Variants in CREB5 observed in about 807,000 individuals in gnomAD.
CREB5 encodes the protein cyclic AMP-responsive element-binding protein 5.
In CREB5, 19 loss-of-function variants were observed where a neutral mutation model predicts 57.1. The ratio of observed to expected loss-of-function variants is 0.33; its 90% confidence interval spans 0.23 to 0.49. The LOEUF (loss-of-function observed/expected upper bound fraction) is 0.49. Ranked by LOEUF, CREB5 falls within the 20% of genes least tolerant of loss-of-function variation. The pLI, the probability that CREB5 is intolerant of heterozygous loss-of-function variation, is 0.99. For synonymous variants in CREB5, 238 were observed against 238.3 expected (o/e 1.00, Z 0.01); for missense variants, 579 against 671.6 (o/e 0.86, Z 1.52).
intron 1 of CREB5, among the ~76,000 whole-genome samples, chr7:28,441,019 C>A (rs915902945): frequency 6.6e-6 from 1 of 152,216 alleles, no homozygotes. Flanking sequence ...AATTTTTAGA[C>A]CCTTGTGTAT....
intron 1 of CREB5, among the ~76,000 whole-genome samples, chr7:28,335,276 T>C (rs1401214426): frequency 6.6e-6 from 1 of 152,310 alleles, no homozygotes; most frequent in East Asian, 1.9e-4. Context: ...AATCTGTAAA[T>C]TGATTTTGTA....
chr7:28,681,157 A>G (rs1193724599), intron 5 of CREB5, among the ~76,000 whole-genome samples: 1 of 151,982 alleles, frequency 6.6e-6, no homozygotes, highest in African/African-American at 2.4e-5. Context: ...AGGGATGGAG[A>G]AGGCTGACTA....
chr7:28,410,869 A>C, upstream of CREB5: 1 of 281,538 alleles, frequency 3.6e-6, no homozygotes, highest in Non-Finnish European at 7.1e-6. Flanking sequence ...TCCCCACAAC[A>C]CACTCGTGCA....
chr7:28,537,696 G>T (rs757774055), intron 4 of CREB5, among the ~76,000 whole-genome samples: 3 of 152,176 alleles, frequency 2.0e-5, no homozygotes, highest in Non-Finnish European at 4.4e-5. Flanking sequence ...ATTCATAACC[G>T]ATTTGTTCAA....
chr7:28,485,054 G>A (rs1791496486), intron 1 of CREB5, among the ~76,000 whole-genome samples: 1 of 152,148 alleles, frequency 6.6e-6, no homozygotes, highest in African/African-American at 2.4e-5. Context: ...TAGCATTATG[G>A]GCCTGAATTT....
At chr7:28,780,000 C>T (rs1806878040) in intron 7 of CREB5, among the ~76,000 whole-genome samples, 1 of 152,194 alleles carries the variant, frequency 6.6e-6, no homozygotes. Context: ...AACTCCTGAG[C>T]TCAAGCGATC....
rs1372474796 is a variant in CREB5, at chr7:28,642,979, CACACACAT to C, written c.464+72450_464+72457del. 1.1e-3 allele frequency among the ~76,000 whole-genome samples: 107 copies of C among 101,260 alleles called. 1 individual carries two copies. Among genetic ancestry groups the C allele is most frequent in the Admixed American group, 1.7e-3 (16 of 9,426 alleles). The allele number at this position is 101,260 out of a possible 152,430, so 66.4% of individuals were successfully genotyped here. A position where few individuals can be genotyped will look rare whatever the true frequency, so the allele number is the denominator to read the frequency against. On this transcript the variant is annotated intron_variant, in intron 5 of 10. Coordinates refer to ENST00000357727, the MANE Select transcript of CREB5 (RefSeq NM_182898.4). ...ACACACACACACACACACACACACA[CACACACAT>C]ACACACACACACACACACACACACA...
chr7:28,636,025 C>T (rs1038908465), intron 5 of CREB5, among the ~76,000 whole-genome samples: 1 of 152,222 alleles, frequency 6.6e-6, no homozygotes, highest in East Asian at 1.9e-4. Context: ...GCCACAAAAT[C>T]AAAGGATTAT....
intron 2 of CREB5, among the ~76,000 whole-genome samples, chr7:28,492,233 C>G (rs1203280742): frequency 1.3e-5 from 2 of 152,200 alleles, no homozygotes; most frequent in African/African-American, 4.8e-5. Flanking sequence ...CTCCTGACCT[C>G]AGGTGATCCA....
intron 1 of CREB5, among the ~76,000 whole-genome samples, chr7:28,402,259 C>G (rs6948990): frequency 0.79 from 119,894 of 152,142 alleles, 47,801 homozygotes; most frequent in East Asian, 0.97. Flanking sequence ...TGATGGGGTT[C>G]TTTGATTTTT....
chr7:28,545,230 A>G (rs974677480), intron 4 of CREB5, among the ~76,000 whole-genome samples: 3 of 152,238 alleles, frequency 2.0e-5, no homozygotes, highest in African/African-American at 7.2e-5. Context: ...AAGCCAAACA[A>G]AAGAAAACAA....
chr7:28,354,269 G>A (rs1786296216), intron 1 of CREB5, among the ~76,000 whole-genome samples: 1 of 152,112 alleles, frequency 6.6e-6, no homozygotes, highest in African/African-American at 2.4e-5. Context: ...TTGAGTCAGT[G>A]GGCTGGGAAA....
intron 5 of CREB5, among the ~76,000 whole-genome samples, chr7:28,627,507 G>A (rs1450938649): frequency 6.6e-6 from 1 of 152,134 alleles, no homozygotes; most frequent in Non-Finnish European, 1.5e-5. Flanking sequence ...GCAAAACACT[G>A]GGCTGAATTA....
intron 5 of CREB5, among the ~76,000 whole-genome samples, chr7:28,653,889 C>G (rs1310102212): frequency 6.6e-6 from 1 of 152,250 alleles, no homozygotes; most frequent in Non-Finnish European, 1.5e-5. Context: ...CACCACACTA[C>G]TCCCTTTAGA....
intron 5 of CREB5, among the ~76,000 whole-genome samples, chr7:28,659,660 C>T (rs2128712325): frequency 6.6e-6 from 1 of 152,212 alleles, no homozygotes; most frequent in East Asian, 1.9e-4. Flanking sequence ...AAAACTGATG[C>T]AATATGGACT....
intron 7 of CREB5, among the ~76,000 whole-genome samples, chr7:28,755,286 A>C (rs1243836902): frequency 6.6e-6 from 1 of 152,206 alleles, no homozygotes; most frequent in Non-Finnish European, 1.5e-5. Context: ...CCAGTTGAGA[A>C]CAATAGTGTA....
At position 28,622,331 on chromosome 7, in the gene CREB5, G is replaced by A. The variant is rs190533579; in HGVS notation, c.464+51794G>A. Among the ~76,000 whole-genome samples the A allele has an allele frequency of 3.1e-3, 464 of 150,858 alleles. 4 individuals carry two copies. Among genetic ancestry groups the A allele is most frequent in the African/African-American group, 0.011 (447 of 41,016 alleles). On this transcript the variant is annotated intron_variant, in intron 5 of 10. Coordinates refer to ENST00000357727, the MANE Select transcript of CREB5 (RefSeq NM_182898.4). ...TTCAATCATATATCCCCTTAGAGATGTTCATTACATCAGCCATGCAGAAGG... is the reference window on the plus strand; with the variant it reads ...TTCAATCATATATCCCCTTAGAGATATTCATTACATCAGCCATGCAGAAGG...
At chr7:28,748,977 T>C (rs1321049053) in intron 7 of CREB5, among the ~76,000 whole-genome samples, 1 of 152,204 alleles carries the variant, frequency 6.6e-6, no homozygotes, top group Admixed American at 6.5e-5. Flanking sequence ...ATGTATTTGA[T>C]TGTCTCACTT....
At chr7:28,320,236 A>G (rs1583669466) in intron 1 of CREB5, among the ~76,000 whole-genome samples, 1 of 152,118 alleles carries the variant, frequency 6.6e-6, no homozygotes, top group Non-Finnish European at 1.5e-5. Context: ...GGCCGCTTTT[A>G]TGTAATCTTG....
Sources: allele counts gnomAD v4.1 joint callset (sites outside exome capture counted in the v4.1 genomes callset), GRCh38; gene constraint gnomAD v4.1.1; transcripts MANE v1.5; gene names NCBI Gene and HGNC (gene_info 2026-07-23, HGNC 2026-07-21).